The following ADARB2 variants were observed in gnomAD, a reference collection of about 807,000 sequenced individuals.
ADARB2 encodes the protein inactive double-stranded RNA-specific editase B2.
In ADARB2, 25 loss-of-function variants were observed where a neutral mutation model predicts 62.2. That is an observed-to-expected ratio of 0.40 (90% CI 0.29 to 0.56). ADARB2 has a LOEUF of 0.56. Among genes scored for constraint, ADARB2 ranks in the 20% least tolerant of loss-of-function variants. ADARB2 has a pLI of 0.43. For synonymous variants in ADARB2, 572 were observed against 500.8 expected, an observed-to-expected ratio of 1.14 and a Z score of -1.90; for missense variants, 1,071 against 1,077.4, an observed-to-expected ratio of 0.99 and a Z score of 0.08.
intron 1 of ADARB2, among the ~76,000 whole-genome samples, chr10:1,390,482 C>A (rs1040910300): frequency 6.6e-6 from 1 of 151,998 alleles, no homozygotes; most frequent in Non-Finnish European, 1.5e-5. Context: ...AATTAAAAAC[C>A]AAAAATCATG....
Position 1,704,459 on chromosome 10 carries a change from C to T in ADARB2, c.100+32592G>A, listed in dbSNP as rs1302668462. On this transcript the variant is annotated intron_variant, in intron 1 of 9. Coordinates refer to ENST00000381312, the MANE Select transcript of ADARB2 (RefSeq NM_018702.4). This position sits in a 1 kb window ranked among gnomAD's most constrained non-coding sequence, Gnocchi z 5.6. Reference sequence around the variant, plus strand: ...ACAAGCACAGTTAGCAATAGGATCCCCACTCCTATAGGAATCTAATGCCAC... The same window carrying T: ...ACAAGCACAGTTAGCAATAGGATCCTCACTCCTATAGGAATCTAATGCCAC... 1.3e-5 allele frequency among the ~76,000 whole-genome samples: 2 copies of T among 152,074 alleles called. No individual in the cohort carries two copies. The highest frequency in any genetic ancestry group is 2.9e-5 in the Non-Finnish European group (2 of 68,018).
chr10:1,440,518 AC>A (rs1274910601), intron 1 of ADARB2, among the ~76,000 whole-genome samples: 3 of 151,792 alleles, frequency 2.0e-5, no homozygotes, highest in African/African-American at 7.3e-5. Context: ...CCACATTGTG[AC>A]AAAATTTCAA....
chr10:1,686,198 G>A (rs1007557371), intron 1 of ADARB2, among the ~76,000 whole-genome samples: 1 of 152,246 alleles, frequency 6.6e-6, no homozygotes, highest in African/African-American at 2.4e-5. Flanking sequence ...TTTAATTTCA[G>A]GGCGGTGCTG....
At chr10:1,439,516 C>T (rs11250516) in intron 1 of ADARB2, among the ~76,000 whole-genome samples, 10 of 108,372 alleles carry the variant, frequency 9.2e-5, no homozygotes, top group Non-Finnish European at 1.2e-4. Flanking sequence ...TGGAGGCAGG[C>T]CCTTCACGAT....
intron 1 of ADARB2, among the ~76,000 whole-genome samples, chr10:1,664,962 C>T (rs1834296977): frequency 6.6e-6 from 1 of 152,108 alleles, no homozygotes; most frequent in Non-Finnish European, 1.5e-5. Context: ...ATTCAGGAGG[C>T]CACAGAACCG....
At chr10:1,525,481 C>T (rs1338356213) in intron 1 of ADARB2, among the ~76,000 whole-genome samples, 1 of 152,090 alleles carries the variant, frequency 6.6e-6, no homozygotes, top group Non-Finnish European at 1.5e-5. Context: ...CTCATGGTCT[C>T]TCTTCGCCTC....
chr10:1,650,138 C>A (rs1173859556), intron 1 of ADARB2, among the ~76,000 whole-genome samples: 3 of 152,264 alleles, frequency 2.0e-5, no homozygotes, highest in Non-Finnish European at 4.4e-5. Context: ...GTCTGCAAGA[C>A]TGGCTACGTT....
At chr10:1,362,579 A>T (rs944641111) in intron 3 of ADARB2, among the ~76,000 whole-genome samples, 3 of 151,988 alleles carry the variant, frequency 2.0e-5, no homozygotes, top group African/African-American at 7.2e-5. Flanking sequence ...TCCCAGCGCG[A>T]TTCTCCCTTG....
chr10:1,515,013 G>A (rs574776094), intron 1 of ADARB2, among the ~76,000 whole-genome samples: 8 of 152,302 alleles, frequency 5.3e-5, no homozygotes, highest in Admixed American at 1.3e-4. Flanking sequence ...GTGAACAGGC[G>A]TTTACACTGG....
intron 1 of ADARB2, among the ~76,000 whole-genome samples, chr10:1,605,681 G>A (rs1291636351): frequency 2.0e-5 from 3 of 152,144 alleles, no homozygotes; most frequent in Non-Finnish European, 1.5e-5. Context: ...ATTGCCTGAG[G>A]AGGCAAAACA....
intron 4 of ADARB2, among the ~76,000 whole-genome samples, 186 bp downstream of exon 4, chr10:1,270,768 AT>A (rs1564242294): frequency 1.3e-5 from 2 of 152,196 alleles, no homozygotes; most frequent in Non-Finnish European, 2.9e-5. Flanking sequence ...TCACAGCACC[AT>A]GGTCAGGATG....
chr10:1,629,431 C>A (rs571848034), intron 1 of ADARB2, among the ~76,000 whole-genome samples: 2 of 152,182 alleles, frequency 1.3e-5, no homozygotes, highest in South Asian at 4.1e-4. Flanking sequence ...CTCCTGCTCC[C>A]ATGGAGCTAA....
chr10:1,515,099 A>G (rs1274492632), intron 1 of ADARB2, among the ~76,000 whole-genome samples: 1 of 152,250 alleles, frequency 6.6e-6, no homozygotes, highest in Non-Finnish European at 1.5e-5. Flanking sequence ...GGCTTTGCAG[A>G]AGACCTGTTG....
At chr10:1,279,256 T>G (rs1048360673) in intron 3 of ADARB2, among the ~76,000 whole-genome samples, 1 of 152,212 alleles carries the variant, frequency 6.6e-6, no homozygotes, top group African/African-American at 2.4e-5. Context: ...ACATGAACTC[T>G]CCTTTGTGTA....
intron 1 of ADARB2, among the ~76,000 whole-genome samples, chr10:1,522,288 G>A (rs1588286511): frequency 6.6e-6 from 1 of 152,300 alleles, no homozygotes; most frequent in Middle Eastern, 3.4e-3. Flanking sequence ...ACAGGGATCA[G>A]AGACAATTGA....
rs1016870634 is a variant in ADARB2, at chr10:1,277,457, T to C, written c.1078-6388A>G. Among the ~76,000 whole-genome samples the C allele has an allele frequency of 4.6e-5, 7 of 152,060 alleles. No individual in the cohort carries two copies. The East Asian group carries it at 7.7e-4, about 17-fold the overall frequency. The stretch of plus-strand genomic sequence containing the variant: ...GTCCCACAGAAATACAAACTACCAT[T>C]AGAGAATACTATAAACACCTCTACG... On this transcript the variant is annotated intron_variant, in intron 3 of 9. Transcript: ENST00000381312.
chr10:1,539,890 G>A (rs4376829), intron 1 of ADARB2, among the ~76,000 whole-genome samples: 4 of 152,116 alleles, frequency 2.6e-5, no homozygotes, highest in African/African-American at 9.6e-5. Context: ...GAGGTATTGG[G>A]TCGGAAGTAG....
intron 4 of ADARB2, among the ~76,000 whole-genome samples, chr10:1,260,908 C>G (rs1339918348): frequency 2.7e-5 from 4 of 146,416 alleles, no homozygotes; most frequent in Admixed American, 2.1e-4. Context: ...AACTATATTA[C>G]AAGGCTACAG....
chr10:1,194,270 C>T (rs540450281), intron 8 of ADARB2, among the ~76,000 whole-genome samples: 25 of 152,286 alleles, frequency 1.6e-4, no homozygotes, highest in South Asian at 8.3e-4. Context: ...GGCTGGGCTT[C>T]GTCCAATCTG....
Sources: gnomAD v4.1 joint callset for allele counts (sites outside exome capture counted in the v4.1 genomes callset) on GRCh38, gnomAD v4.1.1 for gene constraint, Gnocchi (gnomAD v3.1) non-coding constraint, MANE v1.5 for transcripts, NCBI Gene and HGNC (gene_info 2026-07-23, HGNC 2026-07-21) for gene names.